The following ZNF385B variants were observed in gnomAD, a reference collection of about 807,000 sequenced individuals.
The protein encoded by ZNF385B is zinc finger protein 385B.
Under a neutral mutation model 39.2 loss-of-function variants are expected in ZNF385B, and 23 were observed. The observed-to-expected ratio is 0.59, with a 90% CI of 0.42 to 0.83. ZNF385B has a LOEUF of 0.83. Ranked by LOEUF, ZNF385B falls within the 40% of genes least tolerant of loss-of-function variation. ZNF385B has a pLI of 0.00. For missense variants in ZNF385B, 552 were observed against 598.9 expected (o/e 0.92, Z 0.82); for synonymous variants, 205 against 222.6 (o/e 0.92, Z 0.70).
chr2:179,686,964 G>GT (rs5836693), intron 3 of ZNF385B, among the ~76,000 whole-genome samples: 110,993 of 142,018 alleles, frequency 0.78, 43,385 homozygotes, highest in East Asian at 0.91. Context: ...AATTTGTACT[G>GT]TTTTTTTTTT....
chr2:179,791,447 C>T (rs1290633811), intron 1 of ZNF385B, among the ~76,000 whole-genome samples: 1 of 152,128 alleles, frequency 6.6e-6, no homozygotes, highest in Non-Finnish European at 1.5e-5. Flanking sequence ...GTACAAATGT[C>T]ACTTAAAAGT....
At chr2:179,558,134 A>C (rs1437131861) in intron 3 of ZNF385B, among the ~76,000 whole-genome samples, 2 of 152,178 alleles carry the variant, frequency 1.3e-5, no homozygotes, top group Non-Finnish European at 2.9e-5. Context: ...AGTAATGGCA[A>C]CTGACCTTCT....
chr2:179,544,730 TAC>T, intron 4 of ZNF385B, 95 bp downstream of exon 4: 3 of 1,482,286 alleles, frequency 2.0e-6, no homozygotes, highest in Non-Finnish European at 2.8e-6. Flanking sequence ...GGTCTAAAAT[TAC>T]ACACTTTGGA....
intron 3 of ZNF385B, among the ~76,000 whole-genome samples, chr2:179,644,796 T>C (rs934119348): frequency 1.3e-5 from 2 of 152,108 alleles, no homozygotes; most frequent in Non-Finnish European, 2.9e-5. Flanking sequence ...TCCTTTTTCT[T>C]ATTTTCCTAA....
intron 3 of ZNF385B, among the ~76,000 whole-genome samples, chr2:179,742,392 T>G (rs1028094723): frequency 1.3e-5 from 2 of 152,044 alleles, no homozygotes; most frequent in Admixed American, 6.6e-5. Flanking sequence ...AGTTTCCAGA[T>G]GCAATACAAG....
At chr2:179,823,711 CTT>C (rs1707528014) in intron 1 of ZNF385B, among the ~76,000 whole-genome samples, 1 of 152,052 alleles carries the variant, frequency 6.6e-6, no homozygotes, top group Non-Finnish European at 1.5e-5. Context: ...TCTTAGACAA[CTT>C]TTCTTATATT....
chr2:179,451,251 T>TA (rs71029810), intron 6 of ZNF385B, among the ~76,000 whole-genome samples: 47,844 of 134,632 alleles, frequency 0.36, 8,857 homozygotes, highest in African/African-American at 0.53. Flanking sequence ...AAAGTATAAT[T>TA]AAAAAAAAAA....
chr2:179,518,065 G>A (rs1308665742), intron 5 of ZNF385B, among the ~76,000 whole-genome samples: 1 of 151,878 alleles, frequency 6.6e-6, no homozygotes, highest in Non-Finnish European at 1.5e-5. Flanking sequence ...TCTCTTCATT[G>A]CATTTTAAAA....
At chr2:179,667,235 G>A (rs1001516697) in intron 3 of ZNF385B, among the ~76,000 whole-genome samples, 2 of 152,042 alleles carry the variant, frequency 1.3e-5, no homozygotes, top group East Asian at 3.9e-4. Context: ...ATTCAGTAAT[G>A]CAACAAAATA....
chr2:179,645,512 A>G (rs1488870241), intron 3 of ZNF385B, among the ~76,000 whole-genome samples: 1 of 152,204 alleles, frequency 6.6e-6, no homozygotes, highest in Admixed American at 6.5e-5. Flanking sequence ...CATTTGCACT[A>G]TTACATAATG....
At chr2:179,680,542 T>C (rs1697422168) in intron 3 of ZNF385B, among the ~76,000 whole-genome samples, 1 of 152,146 alleles carries the variant, frequency 6.6e-6, no homozygotes, top group South Asian at 2.1e-4. Context: ...AATGTTCTAT[T>C]TCTTGACCTG....
intron 6 of ZNF385B, among the ~76,000 whole-genome samples, chr2:179,482,774 T>C (rs1353918768): frequency 6.6e-6 from 1 of 152,182 alleles, no homozygotes; most frequent in East Asian, 1.9e-4. Context: ...TCCAGATTCA[T>C]TTAGTAATGC....
intron 3 of ZNF385B, among the ~76,000 whole-genome samples, chr2:179,664,295 C>T (rs528511657): frequency 3.9e-5 from 6 of 151,968 alleles, no homozygotes; most frequent in Non-Finnish European, 2.9e-5. Context: ...GTAAATTGTT[C>T]AATTGCATTC....
chr2:179,512,248 T>G (rs7598160), intron 5 of ZNF385B, among the ~76,000 whole-genome samples: 124,236 of 152,032 alleles, frequency 0.82, 51,103 homozygotes, highest in East Asian at 0.92. Flanking sequence ...ATATTAATAA[T>G]AATAATAATA....
intron 1 of ZNF385B, among the ~76,000 whole-genome samples, chr2:179,832,275 C>T (rs369542582): frequency 9.8e-5 from 15 of 152,302 alleles, no homozygotes; most frequent in East Asian, 1.9e-4. Context: ...AAGTTCCCTA[C>T]GTGCTACAAC....
intron 3 of ZNF385B, among the ~76,000 whole-genome samples, chr2:179,555,390 A>C (rs149388088): frequency 4.0e-5 from 6 of 149,448 alleles, no homozygotes; most frequent in South Asian, 2.1e-4. Context: ...GGATGCCAGA[A>C]ATGTTCTTTC....
At chr2:179,579,211 T>G (rs144142896) in intron 3 of ZNF385B, among the ~76,000 whole-genome samples, 1,866 of 152,214 alleles carry the variant, frequency 0.012, 127 homozygotes, top group Admixed American at 0.11. Context: ...AACTGAAAAT[T>G]TTATTAATTA....
intron 3 of ZNF385B, among the ~76,000 whole-genome samples, chr2:179,678,953 A>G (rs1697230854): frequency 6.6e-6 from 1 of 152,224 alleles, no homozygotes; most frequent in South Asian, 2.1e-4. Context: ...GAATTTAACC[A>G]ATGTTCCCAC....
intron 1 of ZNF385B, among the ~76,000 whole-genome samples, chr2:179,854,135 A>G (rs1007329104): frequency 6.6e-5 from 10 of 152,174 alleles, no homozygotes; most frequent in African/African-American, 2.4e-4. Flanking sequence ...TATTCTAAGC[A>G]TTAGATTTTT....
Sources: allele counts gnomAD v4.1 joint callset (sites outside exome capture counted in the v4.1 genomes callset), GRCh38; gene constraint gnomAD v4.1.1; transcripts MANE v1.5; gene names NCBI Gene and HGNC (gene_info 2026-07-23, HGNC 2026-07-21).